Variants in MNAT1 observed in about 807,000 individuals in gnomAD.
The protein encoded by MNAT1 is CDK-activating kinase assembly factor MAT1.
In MNAT1, 43 loss-of-function variants were observed where a neutral mutation model predicts 42.0. That is an observed-to-expected ratio of 1.02 (90% CI 0.80 to 1.32). The LOEUF (loss-of-function observed/expected upper bound fraction) is 1.32. MNAT1 is among the 40% of genes most tolerant of loss of function. The pLI, the probability that MNAT1 is intolerant of heterozygous loss-of-function variation, is 0.00. For missense variants in MNAT1, 306 were observed against 350.4 expected (o/e 0.87, Z 1.01); for synonymous variants, 118 against 120.0 (o/e 0.98, Z 0.11).
intron 3 of MNAT1, among the ~76,000 whole-genome samples, chr14:60,800,297 A>G (rs886199976): frequency 6.6e-6 from 1 of 152,140 alleles, no homozygotes; most frequent in Admixed American, 6.6e-5. Context: ...GCCTGTAATC[A>G]CAGCACTTTG....
At chr14:60,786,773 T>A (rs1417370745) in intron 1 of MNAT1, among the ~76,000 whole-genome samples, 1 of 152,192 alleles carries the variant, frequency 6.6e-6, no homozygotes, top group Non-Finnish European at 1.5e-5. Context: ...GTCTGTTGTA[T>A]GTTTTGGTTG....
At chr14:60,964,894 G>A (rs190888072) in intron 7 of MNAT1, among the ~76,000 whole-genome samples, 35 of 152,138 alleles carry the variant, frequency 2.3e-4, no homozygotes, top group Middle Eastern at 3.4e-3. Flanking sequence ...AAAATACTTC[G>A]ACATGCTACA....
chr14:60,799,408 C>G, intron 3 of MNAT1: 2 of 984,848 alleles, frequency 2.0e-6, no homozygotes, highest in Non-Finnish European at 2.4e-6. Flanking sequence ...AGAAATCTGG[C>G]TCTATATAGA....
intron 1 of MNAT1, among the ~76,000 whole-genome samples, chr14:60,767,605 T>A (rs2030880372): frequency 6.6e-6 from 1 of 152,136 alleles, no homozygotes; most frequent in Non-Finnish European, 1.5e-5. Context: ...AAATTTTATT[T>A]ATTTATTTAT....
intron 4 of MNAT1, 100 bp from the exon 5 acceptor site, chr14:60,811,887 G>T: frequency 1.3e-6 from 1 of 786,566 alleles, no homozygotes; most frequent in Non-Finnish European, 1.9e-6. Flanking sequence ...TAAGTGACTA[G>T]TGTGTTTTAT....
intron 6 of MNAT1, among the ~76,000 whole-genome samples, chr14:60,875,623 G>T (rs951656075): frequency 2.0e-5 from 3 of 152,020 alleles, no homozygotes; most frequent in African/African-American, 7.2e-5. Context: ...CTTTAGCATA[G>T]TGCCTAGCAC....
intron 6 of MNAT1, among the ~76,000 whole-genome samples, chr14:60,864,154 T>C (rs2034156055): frequency 1.3e-5 from 2 of 152,008 alleles, no homozygotes; most frequent in Non-Finnish European, 1.5e-5. Flanking sequence ...GTGTAAATAT[T>C]TTCTAAAAAT....
chr14:60,827,140 A>T (rs1460442513), intron 6 of MNAT1, among the ~76,000 whole-genome samples: 6 of 152,222 alleles, frequency 3.9e-5, no homozygotes, highest in African/African-American at 1.4e-4. Flanking sequence ...TGGATCACAA[A>T]GATAACCTAT....
intron 1 of MNAT1, among the ~76,000 whole-genome samples, chr14:60,794,631 A>G (rs1387627254): frequency 4.5e-5 from 4 of 89,508 alleles, no homozygotes; most frequent in Non-Finnish European, 8.8e-5. Context: ...ACTTCACTGC[A>G]TTCTCAAAAA....
intron 6 of MNAT1, among the ~76,000 whole-genome samples, chr14:60,852,847 G>T (rs2033858298): frequency 6.6e-6 from 1 of 152,192 alleles, no homozygotes; most frequent in African/African-American, 2.4e-5. Context: ...TCAAAGATCA[G>T]ATGGTTGTAG....
chr14:60,887,821 T>C (rs1337692080), intron 7 of MNAT1, among the ~76,000 whole-genome samples: 1 of 151,888 alleles, frequency 6.6e-6, no homozygotes, highest in Non-Finnish European at 1.5e-5. Context: ...TACAAACACC[T>C]CTATGCAAAT....
At chr14:60,916,871 T>G (rs898565286) in intron 7 of MNAT1, among the ~76,000 whole-genome samples, 1 of 152,220 alleles carries the variant, frequency 6.6e-6, no homozygotes, top group Non-Finnish European at 1.5e-5. Context: ...GAGAATTGCT[T>G]GGACCTGGGA....
At chr14:60,779,414 A>G (rs2031365801) in intron 1 of MNAT1, among the ~76,000 whole-genome samples, 1 of 152,206 alleles carries the variant, frequency 6.6e-6, no homozygotes, top group Non-Finnish European at 1.5e-5. Context: ...ATGGCCAGGA[A>G]ATCAACTACA....
intron 1 of MNAT1, among the ~76,000 whole-genome samples, chr14:60,771,827 G>T (rs1566759451): frequency 6.6e-6 from 1 of 152,186 alleles, no homozygotes. Context: ...GCCTCAAACA[G>T]TGCCTGCTAC....
intron 1 of MNAT1, among the ~76,000 whole-genome samples, chr14:60,755,436 C>G (rs2030309242): frequency 1.3e-5 from 2 of 152,168 alleles, no homozygotes; most frequent in Admixed American, 1.3e-4. Flanking sequence ...GCCACTGTGC[C>G]TGGCCTAATT....
At chr14:60,949,743 C>T (rs1005718189) in intron 7 of MNAT1, among the ~76,000 whole-genome samples, 11 of 151,958 alleles carry the variant, frequency 7.2e-5, no homozygotes, top group African/African-American at 4.8e-5. Context: ...TTTTTGGTAC[C>T]ATTGATTGCA....
At chr14:60,827,888 G>A (rs1382598988) in intron 6 of MNAT1, among the ~76,000 whole-genome samples, 1 of 152,048 alleles carries the variant, frequency 6.6e-6, no homozygotes, top group Non-Finnish European at 1.5e-5. Context: ...ACTAAAGTTA[G>A]CAGTATATTC....
chr14:60,829,921 T>G (rs2033167286), intron 6 of MNAT1, among the ~76,000 whole-genome samples: 1 of 152,224 alleles, frequency 6.6e-6, no homozygotes, highest in Non-Finnish European at 1.5e-5. Context: ...TAGAGTTTTA[T>G]CAAGTTCCTA....
At chr14:60,938,576 C>A (rs916814900) in intron 7 of MNAT1, among the ~76,000 whole-genome samples, 2 of 152,144 alleles carry the variant, frequency 1.3e-5, no homozygotes, top group Non-Finnish European at 2.9e-5. Flanking sequence ...AGGAATGAAG[C>A]CCACTTGATC....
Sources: allele counts gnomAD v4.1 joint callset (sites outside exome capture counted in the v4.1 genomes callset), GRCh38; gene constraint gnomAD v4.1.1; transcripts MANE v1.5; gene names NCBI Gene and HGNC (gene_info 2026-07-23, HGNC 2026-07-21).